TMEM120B: variants seen among roughly 807,000 people sequenced by gnomAD.
The protein encoded by TMEM120B is transmembrane protein 120B.
Under a neutral mutation model 55.5 loss-of-function variants are expected in TMEM120B, and 31 were observed. That is an observed-to-expected ratio of 0.56 (90% confidence interval 0.42 to 0.75). TMEM120B has a LOEUF of 0.75. Among genes scored for constraint, TMEM120B ranks in the 30% least tolerant of loss-of-function variants. The pLI, the probability that TMEM120B is intolerant of heterozygous loss-of-function variation, is 0.00. For missense variants in TMEM120B, 399 were observed against 425.5 expected, an observed-to-expected ratio of 0.94 and a Z score of 0.55; for synonymous variants, 203 against 176.3, an observed-to-expected ratio of 1.15 and a Z score of -1.20.
chr12:121,743,813 C>T, intron 2 of TMEM120B, 66 bp downstream of exon 2: 1 of 1,165,686 alleles, frequency 8.6e-7, no homozygotes, highest in Admixed American at 1.9e-5. Context: ...TCAAAACAGG[C>T]TGAAGCAGAG....
chr12:121,759,712 G>C lies in TMEM120B; in HGVS notation c.462-1937G>C, dbSNP rs150774007. On this transcript the variant is annotated intron_variant, in intron 5 of 11. Transcript: ENST00000449592. ...AAACGCTTTAGAGCAGGAATGAAAA[G>C]CCACTGGGCGCAGTGGCTCATGCCT... is the stretch of plus-strand genomic sequence containing the variant. Among the ~76,000 whole-genome samples the C allele has an allele frequency of 2.8e-3, 427 of 151,684 alleles. 1 individual carries two copies. Among genetic ancestry groups the C allele is most frequent in the African/African-American group, 1.0e-2 (414 of 41,436 alleles).
chr12:121,776,830 G>A lies in TMEM120B; in HGVS notation c.*1108G>A, dbSNP rs1411017198. On this transcript the variant is annotated 3_prime_UTR_variant, in exon 12 of 12. Transcript: ENST00000449592. ...TTTTTTTTTTGAGACAGGGTCTGTT[G>A]CCTAGGCGGGAGTGCAGTGGCATCA... 1.3e-5 allele frequency: 2 copies of A among 150,906 alleles called. No individual in the cohort carries two copies. Among genetic ancestry groups the A allele is most frequent in the African/African-American group, 4.9e-5 (2 of 40,942 alleles). The allele number at this position is 150,906 out of a possible 1,614,324, so 9.3% of individuals were successfully genotyped here. A position where few individuals can be genotyped will look rare whatever the true frequency, so the allele number is the denominator to read the frequency against.
Position 121,748,411 on chromosome 12 carries a change from G to C in TMEM120B, c.274G>C (p.Asp92His), listed in dbSNP as rs28655666. Residue 92 changes from aspartate to histidine, a missense_variant, in exon 3 of 12, where the codon GAC becomes CAC. Physicochemically the swap from Asp to His is moderately conservative, Grantham distance 81. Transcript: ENST00000449592. ...NIKERQDVFFDMEAYLPKKNG... is the reference protein window; with the variant it reads ...NIKERQDVFFHMEAYLPKKNG... Reference sequence around the variant, plus strand: ...CAAGGAGCGGCAGGACGTCTTCTTCGACATGGAGGCCTACCTGCCCAAGAA... The same window carrying C: ...CAAGGAGCGGCAGGACGTCTTCTTCCACATGGAGGCCTACCTGCCCAAGAA... 12 of 1,609,900 alleles carry C rather than the reference G, an allele frequency of 7.5e-6. No individual in the cohort carries two copies. The highest frequency in any genetic ancestry group is 1.0e-5 in the Non-Finnish European group (12 of 1,178,122).
At position 121,743,727 on chromosome 12, in the gene TMEM120B, C is replaced by G. The variant is rs1444071212; in HGVS notation, c.168C>G (p.Asp56Glu). ...GTAAGCAGAAGAAGCACCTCAAGGA[C>G]TTGAAGCTTACACTCCAGAGGTAGG... ...SISKQKKHLKDLKLTLQRCKR... is the reference protein window; with the variant it reads ...SISKQKKHLKELKLTLQRCKR... The change falls in exon 2 of 12, where the codon GAC becomes GAG. Residue 56 changes from aspartate (D) to glutamate (E), a missense_variant. By Grantham distance (45) the Asp-to-Glu change is conservative (BLOSUM62 2). This residue lies in a region of TMEM120B where 133 missense variants were observed against 104.1 expected (regional missense o/e 1.28). Coordinates refer to ENST00000449592, the MANE Select transcript of TMEM120B (RefSeq NM_001080825.2). The G allele has an allele frequency of 6.2e-7, 1 of 1,613,146 alleles. No individual in the cohort carries two copies.
chr12:121,763,398 G>A (rs1873745442), intron 6 of TMEM120B, among the ~76,000 whole-genome samples: 1 of 151,798 alleles, frequency 6.6e-6, no homozygotes, highest in Non-Finnish European at 1.5e-5. Context: ...TCCTGACCTC[G>A]TGATCCGCCC....
At chr12:121,765,320 G>A (rs1461396187) in intron 6 of TMEM120B, among the ~76,000 whole-genome samples, 3 of 151,900 alleles carry the variant, frequency 2.0e-5, no homozygotes, top group Non-Finnish European at 4.4e-5. Flanking sequence ...AGTAGAGATG[G>A]GGTTTCACCG....
chr12:121,754,848 G>T (rs1479580358), intron 5 of TMEM120B, among the ~76,000 whole-genome samples: 3 of 152,160 alleles, frequency 2.0e-5, no homozygotes, highest in African/African-American at 7.2e-5. Context: ...CAGAGGAGGG[G>T]GATTGGACGG....
At position 121,780,654 on chromosome 12, in the gene TMEM120B, G is replaced by C. The variant is rs943472312; in HGVS notation, c.*4932G>C. 4 of 596,442 alleles carry C rather than the reference G, an allele frequency of 6.7e-6. No homozygotes were observed. Among genetic ancestry groups the C allele is most frequent in the Non-Finnish European group, 5.8e-6 (2 of 344,762 alleles). 36.9% of individuals were successfully genotyped at this position (596,442 alleles called of 1,614,324 possible). A position where few individuals can be genotyped will look rare whatever the true frequency, so the allele number is the denominator to read the frequency against. On this transcript the variant is annotated 3_prime_UTR_variant, in exon 12 of 12. Coordinates refer to ENST00000449592, the MANE Select transcript of TMEM120B (RefSeq NM_001080825.2). ...CAGTTTCTCCCCCTGTAAACTGGGG[G>C]ATGTGAACAGCGCCTGCCTCCGAGT...
chr12:121,774,855 T>C, intron 10 of TMEM120B, 133 bp downstream of exon 10: 1 of 1,252,054 alleles, frequency 8.0e-7, no homozygotes, highest in Non-Finnish European at 1.1e-6. Context: ...CGGGGCAGCC[T>C]CTGGGCCCAG....
chr12:121,741,446 C>G (rs1445976126), intron 1 of TMEM120B, among the ~76,000 whole-genome samples: 1 of 152,130 alleles, frequency 6.6e-6, no homozygotes, highest in African/African-American at 2.4e-5. Flanking sequence ...TCTCCTGATT[C>G]AGCCTCCTGA....
At chr12:121,768,089 A>G (rs1222751586) in intron 6 of TMEM120B, among the ~76,000 whole-genome samples, 1 of 152,190 alleles carries the variant, frequency 6.6e-6, no homozygotes, top group Non-Finnish European at 1.5e-5. Context: ...TTTGGAGCCC[A>G]GGGGCTTCTT....
At chr12:121,770,309 G>A (rs1873996748) in intron 6 of TMEM120B, among the ~76,000 whole-genome samples, 1 of 152,032 alleles carries the variant, frequency 6.6e-6, no homozygotes. Flanking sequence ...CCTTCTTGCA[G>A]AGACACCAGT....
intron 1 of TMEM120B, among the ~76,000 whole-genome samples, chr12:121,713,443 A>G (rs1894637766): frequency 6.6e-6 from 1 of 152,048 alleles, no homozygotes; most frequent in Non-Finnish European, 1.5e-5. Context: ...AGAGCTGTTC[A>G]CCTTGAACCT....
intron 1 of TMEM120B, among the ~76,000 whole-genome samples, chr12:121,730,792 T>TA (rs1189522880): frequency 6.7e-6 from 1 of 150,260 alleles, no homozygotes; most frequent in African/African-American, 2.5e-5. Context: ...ATGCCATCTC[T>TA]ACTAAAAATA....
At chr12:121,761,849 G>A in intron 6 of TMEM120B, 111 bp downstream of exon 6, 1 of 808,170 alleles carries the variant, frequency 1.2e-6, no homozygotes, top group Non-Finnish European at 2.1e-6. Flanking sequence ...TCCTCCTTGG[G>A]GGTTGCTCTG....
chr12:121,719,253 A>C (rs1894752422), intron 1 of TMEM120B, among the ~76,000 whole-genome samples: 2 of 152,060 alleles, frequency 1.3e-5, no homozygotes, highest in Non-Finnish European at 2.9e-5. Context: ...TAAAAAAAAA[A>C]AACAGAGAGA....
Position 121,775,416 on chromosome 12 carries a change from C to T in TMEM120B, c.907-193C>T, listed in dbSNP as rs983756512. ...TGGATCCCAAGGAGGTTCGCCCCATCGAGCCCTTCCCAGGCCCTGCCCAAG... is the reference window on the plus strand; with the variant it reads ...TGGATCCCAAGGAGGTTCGCCCCATTGAGCCCTTCCCAGGCCCTGCCCAAG... On this transcript the variant is annotated intron_variant, in intron 11 of 11. Coordinates refer to ENST00000449592, the MANE Select transcript of TMEM120B (RefSeq NM_001080825.2). This position sits in a 1 kb window ranked among gnomAD's most constrained non-coding sequence, Gnocchi z 4.3. 3 of 984,856 alleles carry T rather than the reference C, an allele frequency of 3.0e-6. No homozygotes were observed. The highest frequency in any genetic ancestry group is 2.4e-6 in the Non-Finnish European group (2 of 829,488). 61.0% of individuals were successfully genotyped at this position (984,856 alleles called of 1,614,324 possible).
In TMEM120B at chr12:121,780,645, A is replaced by T. The variant is rs1874416401; in HGVS notation, c.*4923A>T. On this transcript the variant is annotated 3_prime_UTR_variant, in exon 12 of 12. Coordinates refer to ENST00000449592, the MANE Select transcript of TMEM120B (RefSeq NM_001080825.2). The stretch of plus-strand genomic sequence containing the variant: ...TCTGGGCCTCAGTTTCTCCCCCTGT[A>T]AACTGGGGGATGTGAACAGCGCCTG... The T allele has an allele frequency of 3.4e-6, 2 of 585,632 alleles. No individual in the cohort carries two copies. The highest frequency in any genetic ancestry group is 5.9e-6 in the Non-Finnish European group (2 of 336,838). The allele number at this position is 585,632 out of a possible 1,614,324, so 36.3% of individuals were successfully genotyped here. A position where few individuals can be genotyped will look rare whatever the true frequency, so the allele number is the denominator to read the frequency against.
At chr12:121,722,927 C>A (rs1663174915) in intron 1 of TMEM120B, among the ~76,000 whole-genome samples, 1 of 149,990 alleles carries the variant, frequency 6.7e-6, no homozygotes, top group Non-Finnish European at 1.5e-5. Context: ...TGGCTCACTG[C>A]AACCTCCGCC....
Sources: gnomAD v4.1 joint callset for allele counts (sites outside exome capture counted in the v4.1 genomes callset) on GRCh38, gnomAD v4.1.1 for gene constraint, gnomAD v4.1.1 regional missense constraint, Gnocchi (gnomAD v3.1) non-coding constraint, MANE v1.5 for transcripts, NCBI Gene and HGNC (gene_info 2026-07-23, HGNC 2026-07-21) for gene names.